The following KAZN variants were observed in gnomAD, a reference collection of about 807,000 sequenced individuals.
KAZN encodes kazrin.
KAZN carries 40 observed loss-of-function variants against 87.4 expected under a neutral mutation model. The ratio of observed to expected loss-of-function variants is 0.46; its 90% CI spans 0.36 to 0.60. KAZN has a LOEUF of 0.60. KAZN is among the 20% of genes least tolerant of loss of function. The probability of loss-of-function intolerance (pLI) is 0.00; values close to 1 mark genes in which losing one functional copy is unlikely to be tolerated. For missense variants in KAZN, 898 were observed against 1,073.9 expected (o/e 0.84, Z 2.29); for synonymous variants, 466 against 458.3 (o/e 1.02, Z -0.22).
intron 2 of KAZN, among the ~76,000 whole-genome samples, chr1:15,015,702 C>T (rs1256697925): frequency 6.6e-6 from 1 of 152,170 alleles, no homozygotes; most frequent in East Asian, 1.9e-4. Context: ...GGGTCTGCTC[C>T]ACAGGTCCTT....
At chr1:15,087,606 G>A (rs533989991) in intron 8 of KAZN, among the ~76,000 whole-genome samples, 1 of 152,158 alleles carries the variant, frequency 6.6e-6, no homozygotes, top group South Asian at 2.1e-4. Flanking sequence ...TGTCGGCCAG[G>A]GTGGTCTTGA....
intron 8 of KAZN, among the ~76,000 whole-genome samples, chr1:15,083,150 G>C (rs961861246): frequency 3.9e-5 from 6 of 152,120 alleles, no homozygotes; most frequent in South Asian, 4.2e-4. Context: ...CAAGTACCAG[G>C]GTGCTCCAAA....
chr1:13,988,514 A>T (rs1402799839), intron 1 of KAZN, among the ~76,000 whole-genome samples: 2 of 152,148 alleles, frequency 1.3e-5, no homozygotes, highest in African/African-American at 4.8e-5. Flanking sequence ...CTGGCAGTTA[A>T]CAAGAAAAGA....
Position 14,580,503 on chromosome 1 carries a change from TAA to T in KAZN, c.250-18478_250-18477del, listed in dbSNP as rs1491253609. The stretch of plus-strand genomic sequence containing the variant: ...ATAAATAAATAAATAAATAAATAAA[TAA>T]ATAAATAAATAAAGTATATTAATAG... On this transcript the variant is annotated intron_variant, in intron 2 of 16. Coordinates refer to the KAZN transcript ENST00000636203. Among the ~76,000 whole-genome samples, 825 of 149,270 alleles carry T rather than the reference TAA, an allele frequency of 5.5e-3. 9 individuals are homozygous for T. The highest frequency in any genetic ancestry group is 0.02 in the African/African-American group (791 of 39,574).
chr1:14,266,429 A>C (rs909004098), intron 2 of KAZN, among the ~76,000 whole-genome samples: 8 of 152,226 alleles, frequency 5.3e-5, no homozygotes, highest in African/African-American at 1.9e-4. Context: ...AACTAATTTT[A>C]CCACACGCTA....
chr1:14,770,638 G>A (rs188610005), intron 1 of KAZN, among the ~76,000 whole-genome samples: 11 of 152,240 alleles, frequency 7.2e-5, no homozygotes, highest in Admixed American at 6.5e-4. Flanking sequence ...TTGGGGGCTG[G>A]AGAAACAAAT....
chr1:14,122,318 C>T (rs1644769122), intron 1 of KAZN, among the ~76,000 whole-genome samples: 1 of 152,042 alleles, frequency 6.6e-6, no homozygotes, highest in African/African-American at 2.4e-5. Context: ...TCAATAAAAC[C>T]CAATTCTTCT....
intron 1 of KAZN, among the ~76,000 whole-genome samples, chr1:14,726,958 G>A (rs1643411353): frequency 6.6e-6 from 1 of 152,182 alleles, no homozygotes; most frequent in African/African-American, 2.4e-5. Context: ...TCCCTCTGTG[G>A]TGATGCCAAC....
rs568254327 is a variant in KAZN at position 14,688,922 on chromosome 1, G to A, written c.226+89699G>A. 8.5e-5 allele frequency among the ~76,000 whole-genome samples: 13 copies of A among 152,242 alleles called. No individual in the cohort carries two copies. The South Asian group carries it at 1.9e-3, about 22-fold the overall frequency. ...AGAGTTGATTGGTAAGGCTGGGCGCGGTGGCTCACGCCTGTAATCCTAGCA... is the reference window on the plus strand; with the variant it reads ...AGAGTTGATTGGTAAGGCTGGGCGCAGTGGCTCACGCCTGTAATCCTAGCA... On this transcript the variant is annotated intron_variant, in intron 1 of 14. Transcript: ENST00000376030.
Position 14,514,386 on chromosome 1 carries a change from ATT to A in KAZN, c.250-84596_250-84595del, listed in dbSNP as rs1491225898. Among the ~76,000 whole-genome samples the A allele has an allele frequency of 5.0e-4, 8 of 15,984 alleles. 3 individuals are homozygous for A. The highest frequency in any genetic ancestry group is 1.3e-3 in the African/African-American group (4 of 3,010). 10.5% of individuals were successfully genotyped at this position (15,984 alleles called of 152,430 possible). A position where few individuals can be genotyped will look rare whatever the true frequency, so the allele number is the denominator to read the frequency against. ...ATATTTATATATATAATATATATAT[ATT>A]ATATATATTTATATATATAATATAT... On this transcript the variant is annotated intron_variant, in intron 2 of 16. Transcript: ENST00000636203.
intron 1 of KAZN, among the ~76,000 whole-genome samples, chr1:14,893,394 G>T (rs1399835489): frequency 6.6e-6 from 1 of 152,240 alleles, no homozygotes; most frequent in East Asian, 1.9e-4. Flanking sequence ...AATAGAAATG[G>T]CCCCTGGGAG....
At chr1:14,538,466 C>T (rs115291033) in intron 2 of KAZN, among the ~76,000 whole-genome samples, 2,267 of 152,256 alleles carry the variant, frequency 0.015, 30 homozygotes, top group Non-Finnish European at 0.023. Context: ...AAGATCAAGA[C>T]GCTGGCAGGT....
chr1:14,327,539 T>C (rs1331726248), intron 2 of KAZN, among the ~76,000 whole-genome samples: 1 of 152,214 alleles, frequency 6.6e-6, no homozygotes, highest in Non-Finnish European at 1.5e-5. Flanking sequence ...TAATAATGTG[T>C]GAGCTTGCCT....
chr1:14,921,917 AGCCAG>A, intron 1 of KAZN, among the ~76,000 whole-genome samples: 1 of 152,220 alleles, frequency 6.6e-6, no homozygotes, highest in African/African-American at 2.4e-5. Context: ...TCACCATATT[AGCCAG>A]GCTGGTCTTG....
chr1:14,141,058 G>A (rs1378358519), intron 1 of KAZN, among the ~76,000 whole-genome samples: 3 of 151,968 alleles, frequency 2.0e-5, no homozygotes, highest in African/African-American at 7.2e-5. Context: ...GAATCTGCAC[G>A]CTGCCAAAAG....
At chr1:14,932,571 C>G (rs1160205546) in intron 1 of KAZN, among the ~76,000 whole-genome samples, 1 of 152,134 alleles carries the variant, frequency 6.6e-6, no homozygotes, top group Non-Finnish European at 1.5e-5. Flanking sequence ...TGGCTAGAGG[C>G]TCCCATGTTG....
chr1:14,859,062 C>T (rs912904337), intron 1 of KAZN, among the ~76,000 whole-genome samples: 20 of 152,136 alleles, frequency 1.3e-4, no homozygotes, highest in African/African-American at 4.6e-4. Context: ...AAAAAATTAG[C>T]CGGGCGTGGT....
chr1:14,689,590 A>G (rs1365615626), intron 1 of KAZN, among the ~76,000 whole-genome samples: 1 of 152,200 alleles, frequency 6.6e-6, no homozygotes, highest in Non-Finnish European at 1.5e-5. Context: ...GATTCCGTTG[A>G]CACTGATGGA....
intron 1 of KAZN, among the ~76,000 whole-genome samples, chr1:13,984,280 G>T (rs1289013822): frequency 6.6e-6 from 1 of 152,172 alleles, no homozygotes; most frequent in Non-Finnish European, 1.5e-5. Context: ...AAAGTGCTGG[G>T]ATTACAGGCG....
Sources: gnomAD v4.1 joint callset for allele counts (sites outside exome capture counted in the v4.1 genomes callset) on GRCh38, gnomAD v4.1.1 for gene constraint, MANE v1.5 for transcripts, NCBI Gene and HGNC (gene_info 2026-07-23, HGNC 2026-07-21) for gene names.